The following OXR1 variants were observed in gnomAD, a reference collection of about 807,000 sequenced individuals.
OXR1 encodes the protein oxidation resistance 1, also known as oxidation resistance protein 1.
Under a neutral mutation model 104.6 loss-of-function variants are expected in OXR1, and 41 were observed. That is an observed-to-expected ratio of 0.39 (90% CI 0.31 to 0.51). OXR1 has a LOEUF of 0.51. Among genes scored for constraint, OXR1 ranks in the 20% least tolerant of loss-of-function variants. The pLI, the probability that OXR1 is intolerant of heterozygous loss-of-function variation, is 0.77. For synonymous variants in OXR1, 348 were observed against 348.4 expected, an observed-to-expected ratio of 1.00 and a Z score of 0.01; for missense variants, 955 against 1,031.9, an observed-to-expected ratio of 0.93 and a Z score of 1.02.
intron 2 of OXR1, among the ~76,000 whole-genome samples, chr8:106,512,337 T>C (rs2130050106): frequency 6.6e-6 from 1 of 152,306 alleles, no homozygotes; most frequent in African/African-American, 2.4e-5. Flanking sequence ...ATGCTAATTT[T>C]ATACTGCTTT....
intron 16 of OXR1, among the ~76,000 whole-genome samples, chr8:106,749,275 G>A (rs914375343): frequency 2.0e-5 from 3 of 151,520 alleles, no homozygotes; most frequent in African/African-American, 4.8e-5. Context: ...CCCAGGAGGC[G>A]GAGCTTGCAG....
rs772980119 is a variant in OXR1, at chr8:106,745,815, G to A, written c.2439G>A (p.Met813Ile). 1.3e-6 allele frequency: 2 copies of A among 1,582,076 alleles called. No individual in the cohort carries two copies. Among genetic ancestry groups the A allele is most frequent in the Non-Finnish European group, 1.7e-6 (2 of 1,152,750 alleles). ...FEVFKWTGDN[M>I]FFIKGDMDSL... ...TCTTTAAGTGGACAGGAGATAATAT[G>A]TTTTTTATCAAAGGAGACATGGATT... The change falls in exon 16 of 17, where the codon ATG (methionine) becomes ATA (isoleucine). Residue 813 changes from methionine to isoleucine, a missense_variant. Around this residue, in one of 2 missense-constraint regions of OXR1, gnomAD observed 106 missense variants for 179.0 expected, o/e 0.59. Transcript: ENST00000517566.
intron 10 of OXR1, among the ~76,000 whole-genome samples, chr8:106,712,111 G>T (rs1170257762): frequency 1.3e-5 from 2 of 151,970 alleles, no homozygotes; most frequent in African/African-American, 4.8e-5. Context: ...GAGAAGCTTT[G>T]TTCATAGAAA....
At chr8:106,516,437 T>A (rs1812865515) in intron 2 of OXR1, among the ~76,000 whole-genome samples, 1 of 152,152 alleles carries the variant, frequency 6.6e-6, no homozygotes, top group Admixed American at 6.5e-5. Flanking sequence ...TCACTGTGTA[T>A]CCCTGGTGCC....
At chr8:106,678,926 A>T (rs1827868682) in intron 3 of OXR1, among the ~76,000 whole-genome samples, 1 of 152,036 alleles carries the variant, frequency 6.6e-6, no homozygotes, top group South Asian at 2.1e-4. Context: ...TGTTGAAATA[A>T]ATTGTAATTT....
chr8:106,742,370 G>A lies in OXR1; in HGVS notation c.2412+53G>A, dbSNP rs117694098. Reference sequence around the variant, plus strand: ...TTATAAAGAGTTGACATAACATACTGCCCAAAGCAATTTATAGATTCAGTG... The same window carrying A: ...TTATAAAGAGTTGACATAACATACTACCCAAAGCAATTTATAGATTCAGTG... On this transcript the variant is annotated intron_variant, in intron 15 of 16. Coordinates refer to ENST00000517566, the MANE Select transcript of OXR1 (RefSeq NM_001198533.2). 8.1e-3 allele frequency: 8,074 copies of A among 998,844 alleles called. 46 individuals are homozygous for A. The highest frequency in any genetic ancestry group is 0.038 in the Middle Eastern group (182 of 4,790). 61.9% of individuals were successfully genotyped at this position (998,844 alleles called of 1,614,324 possible).
intron 3 of OXR1, among the ~76,000 whole-genome samples, chr8:106,526,437 A>T (rs1813667489): frequency 6.6e-6 from 1 of 152,230 alleles, no homozygotes; most frequent in African/African-American, 2.4e-5. Context: ...CCAGATGTCC[A>T]TTTCTACCAA....
chr8:106,527,512 C>T (rs1030024875), intron 3 of OXR1, among the ~76,000 whole-genome samples: 3 of 152,182 alleles, frequency 2.0e-5, no homozygotes, highest in African/African-American at 4.8e-5. Flanking sequence ...TGTGGTTTCT[C>T]GAAGTTGTAA....
intron 9 of OXR1, among the ~76,000 whole-genome samples, chr8:106,710,308 GTA>G (rs34244978): frequency 6.6e-6 from 1 of 151,616 alleles, no homozygotes; most frequent in South Asian, 2.1e-4. Flanking sequence ...TTATGTGTGT[GTA>G]TATATATATG....
intron 2 of OXR1, among the ~76,000 whole-genome samples, chr8:106,471,489 G>C (rs1821490807): frequency 6.6e-6 from 1 of 151,606 alleles, no homozygotes; most frequent in African/African-American, 2.4e-5. Context: ...TCCCTCCTGT[G>C]CCTAAGTTAA....
intron 1 of OXR1, among the ~76,000 whole-genome samples, chr8:106,339,085 T>C (rs550996517): frequency 1.3e-5 from 2 of 152,280 alleles, no homozygotes; most frequent in East Asian, 1.9e-4. Context: ...TCATTTCATG[T>C]TTCCCTTTAA....
At chr8:106,358,455 C>A (rs377742803) in intron 1 of OXR1, among the ~76,000 whole-genome samples, 1 of 152,136 alleles carries the variant, frequency 6.6e-6, no homozygotes, top group Non-Finnish European at 1.5e-5. Flanking sequence ...CTGTATGTGC[C>A]TTTATTAGAA....
chr8:106,571,327 G>A (rs902087854), intron 3 of OXR1, among the ~76,000 whole-genome samples: 12 of 152,060 alleles, frequency 7.9e-5, no homozygotes, highest in African/African-American at 2.9e-4. Flanking sequence ...GTAGACAGCT[G>A]CTTTTTCACT....
intron 3 of OXR1, among the ~76,000 whole-genome samples, chr8:106,540,557 G>T (rs1196471580): frequency 3.3e-5 from 5 of 152,064 alleles, no homozygotes; most frequent in African/African-American, 1.2e-4. Context: ...TAGTACTTCT[G>T]CATTTCTGCC....
chr8:106,399,382 C>T (rs1053834071), intron 2 of OXR1, among the ~76,000 whole-genome samples: 1 of 152,146 alleles, frequency 6.6e-6, no homozygotes, highest in African/African-American at 2.4e-5. Context: ...AGCTGTTTAC[C>T]TGGCCAGGAG....
intron 3 of OXR1, among the ~76,000 whole-genome samples, chr8:106,583,496 G>A (rs536102913): frequency 1.2e-4 from 19 of 152,194 alleles, no homozygotes; most frequent in African/African-American, 2.4e-4. Flanking sequence ...AAAAGATGGC[G>A]GATTAAATGC....
intron 2 of OXR1, among the ~76,000 whole-genome samples, chr8:106,480,115 G>A (rs1026274942): frequency 3.3e-5 from 5 of 151,912 alleles, no homozygotes; most frequent in African/African-American, 7.2e-5. Flanking sequence ...GGTTCCAAAA[G>A]AACTGATTAC....
chr8:106,437,920 C>T (rs138221927), intron 2 of OXR1, among the ~76,000 whole-genome samples: 2 of 152,180 alleles, frequency 1.3e-5, no homozygotes, highest in East Asian at 3.9e-4. Flanking sequence ...TGACACTGTG[C>T]TAGAAGCTGG....
chr8:106,271,268 C>T (rs995196630), intron 1 of OXR1, among the ~76,000 whole-genome samples: 1 of 147,744 alleles, frequency 6.8e-6, no homozygotes, highest in Non-Finnish European at 1.5e-5. Context: ...GGCTTGGACG[C>T]ACCTCGGCTC....
Sources: allele counts gnomAD v4.1 joint callset (sites outside exome capture counted in the v4.1 genomes callset), GRCh38; gene constraint gnomAD v4.1.1; regional missense constraint gnomAD v4.1.1; transcripts MANE v1.5; gene names NCBI Gene and HGNC (gene_info 2026-07-23, HGNC 2026-07-21).